RGS6: variants seen among roughly 807,000 people sequenced by gnomAD.
The protein encoded by RGS6 is regulator of G protein signaling 6, also known as regulator of G-protein signaling 6.
RGS6 carries 30 observed loss-of-function variants against 78.5 expected under a neutral mutation model. The ratio of observed to expected loss-of-function variants is 0.38; its 90% CI spans 0.29 to 0.52. RGS6 has a LOEUF of 0.52. Among genes scored for constraint, RGS6 ranks in the 20% least tolerant of loss-of-function variants. The pLI, the probability that RGS6 is intolerant of heterozygous loss-of-function variation, is 0.85. For missense variants in RGS6, 495 were observed against 609.7 expected (o/e 0.81, Z 1.98); for synonymous variants, 206 against 206.0 (o/e 1.00, Z 0.00).
At chr14:72,110,600 G>C (rs987301617) in intron 2 of RGS6, among the ~76,000 whole-genome samples, 6 of 152,202 alleles carry the variant, frequency 3.9e-5, no homozygotes, top group South Asian at 2.1e-4. Flanking sequence ...CTGAGCATCA[G>C]AGTGTAAATC....
chr14:72,320,025 G>C (rs1241780002), intron 2 of RGS6, among the ~76,000 whole-genome samples: 5 of 152,146 alleles, frequency 3.3e-5, no homozygotes, highest in Admixed American at 3.3e-4. Flanking sequence ...TTGGAGATAA[G>C]AATGATTTGG....
intron 2 of RGS6, among the ~76,000 whole-genome samples, chr14:72,147,933 C>T (rs1049247974): frequency 1.6e-4 from 24 of 152,040 alleles, no homozygotes; most frequent in Admixed American, 3.9e-4. Flanking sequence ...AGATTGAGAC[C>T]ATCCTGGCTA....
chr14:72,088,191 T>C (rs1055955280), intron 2 of RGS6, among the ~76,000 whole-genome samples: 1 of 152,330 alleles, frequency 6.6e-6, no homozygotes, highest in South Asian at 2.1e-4. Flanking sequence ...GGTAGGGTTT[T>C]GATTAAATGG....
chr14:72,021,859 A>G lies in RGS6; in HGVS notation c.84+56984A>G, dbSNP rs187954131. On this transcript the variant is annotated intron_variant, in intron 2 of 17. Coordinates refer to ENST00000553525, the MANE Select transcript of RGS6 (RefSeq NM_001204424.2). ...CTCATGTCATGGGGAGTTGTTGTACAGATTATTTCATCAGCCAGGTGTATT... is the reference window on the plus strand; with the variant it reads ...CTCATGTCATGGGGAGTTGTTGTACGGATTATTTCATCAGCCAGGTGTATT... 2.0e-5 allele frequency among the ~76,000 whole-genome samples: 3 copies of G among 152,114 alleles called. No homozygotes were observed. In the East Asian group the frequency reaches 5.8e-4, roughly 29 times the overall value.
chr14:72,057,338 AAAG>A (rs2093670024), intron 2 of RGS6, among the ~76,000 whole-genome samples: 7 of 148,382 alleles, frequency 4.7e-5, no homozygotes, highest in Admixed American at 1.4e-4. Flanking sequence ...AAAAAAAAAA[AAAG>A]AATGTTTGCT....
chr14:72,384,245 G>A (rs1295969017), intron 3 of RGS6, among the ~76,000 whole-genome samples: 1 of 152,204 alleles, frequency 6.6e-6, no homozygotes, highest in African/African-American at 2.4e-5. Flanking sequence ...GTCACTCGGT[G>A]TGGCCACTTG....
the RGS6 span, among the ~76,000 whole-genome samples, chr14:71,878,114 G>T: frequency 7.9e-5 from 12 of 152,294 alleles, 1 homozygote; most frequent in African/African-American, 2.6e-4. Context: ...TCCCAGTTAG[G>T]CTACTCAGGA....
the RGS6 span, among the ~76,000 whole-genome samples, chr14:72,604,697 T>C: frequency 6.6e-6 from 1 of 152,260 alleles, no homozygotes. Context: ...GTCTGGGTGC[T>C]GGTACGACCC....
chr14:72,134,801 G>A (rs116543508), intron 2 of RGS6, among the ~76,000 whole-genome samples: 15 of 152,324 alleles, frequency 9.8e-5, no homozygotes, highest in African/African-American at 3.6e-4. Flanking sequence ...CCCAGGGGAG[G>A]AGGAGGTGGA....
chr14:72,171,243 A>G (rs1363149616), intron 2 of RGS6, among the ~76,000 whole-genome samples: 3 of 152,064 alleles, frequency 2.0e-5, no homozygotes, highest in Non-Finnish European at 4.4e-5. Context: ...CACAAGAGGC[A>G]CATGTACACA....
At chr14:72,059,206 C>T (rs1218032600) in intron 2 of RGS6, among the ~76,000 whole-genome samples, 7 of 152,072 alleles carry the variant, frequency 4.6e-5, no homozygotes, top group Admixed American at 1.3e-4. Flanking sequence ...TCCTGCTGTG[C>T]TTATTTTCAA....
At chr14:72,425,093 A>C (rs182616014) in intron 3 of RGS6, among the ~76,000 whole-genome samples, 1 of 152,228 alleles carries the variant, frequency 6.6e-6, no homozygotes, top group Non-Finnish European at 1.5e-5. Flanking sequence ...TGCGAGCATA[A>C]TACCAAAGGC....
At chr14:72,381,121 C>G (rs1451856211) in intron 3 of RGS6, among the ~76,000 whole-genome samples, 1 of 151,888 alleles carries the variant, frequency 6.6e-6, no homozygotes, top group Non-Finnish European at 1.5e-5. Context: ...AAATATTGAT[C>G]TCATAGAAGT....
At chr14:72,106,944 T>C (rs1211336612) in intron 2 of RGS6, among the ~76,000 whole-genome samples, 1 of 152,196 alleles carries the variant, frequency 6.6e-6, no homozygotes, top group African/African-American at 2.4e-5. Flanking sequence ...TCTTTTCTTT[T>C]TTTCATCAGG....
the RGS6 span, among the ~76,000 whole-genome samples, chr14:71,878,783 G>T: frequency 6.6e-6 from 1 of 152,298 alleles, no homozygotes; most frequent in East Asian, 1.9e-4. Context: ...CTCACGCTGG[G>T]AGCTGTAGAC....
Position 72,374,585 on chromosome 14 carries a change from CCT to C in RGS6, c.184+22396_184+22397del, listed in dbSNP as rs1460080879. On this transcript the variant is annotated intron_variant, in intron 3 of 17. Coordinates refer to ENST00000553525, the MANE Select transcript of RGS6 (RefSeq NM_001204424.2). ...CTACCAGGAAGAAGCAAACACATCT[CCT>C]CTCTGGAGAAGCACACATTAAATAC... Among the ~76,000 whole-genome samples the C allele has an allele frequency of 9.2e-5, 14 of 152,290 alleles. No homozygotes were observed. In the East Asian group the frequency reaches 2.5e-3, roughly 27 times the overall value.
chr14:71,867,778 C>A, the RGS6 span, among the ~76,000 whole-genome samples: 1 of 152,080 alleles, frequency 6.6e-6, no homozygotes, highest in Non-Finnish European at 1.5e-5. Context: ...CGTATGCTGG[C>A]CAATTCCAGG....
intron 2 of RGS6, among the ~76,000 whole-genome samples, chr14:72,095,676 G>A (rs1192007924): frequency 6.6e-6 from 1 of 152,234 alleles, no homozygotes; most frequent in African/African-American, 2.4e-5. Flanking sequence ...GGGAACGTAT[G>A]TGGATGGGGC....
rs1251228767 is a variant in RGS6 at position 72,463,091 on chromosome 14, G to GTCCCAGTT, written c.395-2665_395-2658dup. Among the ~76,000 whole-genome samples, 3 of 152,306 alleles carry GTCCCAGTT rather than the reference G, an allele frequency of 2.0e-5. No homozygotes were observed. In the East Asian group the frequency reaches 5.8e-4, roughly 29 times the overall value. On this transcript the variant is annotated intron_variant, in intron 6 of 17. Transcript: ENST00000553525. ...TTCCCTTTATACAATTTTTAAATAT[G>GTCCCAGTT]TCCCAGTTTTGTGTGGTGACACATG...
Sources: allele counts gnomAD v4.1 joint callset (sites outside exome capture counted in the v4.1 genomes callset), GRCh38; gene constraint gnomAD v4.1.1; transcripts MANE v1.5; gene names NCBI Gene and HGNC (gene_info 2026-07-23, HGNC 2026-07-21).